Variants in FHIT observed in about 807,000 individuals in gnomAD.
The protein encoded by FHIT is bis(5'-adenosyl)-triphosphatase.
FHIT carries 19 observed loss-of-function variants against 17.9 expected under a neutral mutation model. The observed-to-expected ratio is 1.06, with a 90% CI of 0.74 to 1.56. FHIT has a LOEUF of 1.56. Among genes scored for constraint, FHIT ranks in the 40% most tolerant of loss-of-function variants. The pLI is 0.00. For synonymous variants in FHIT, 81 were observed against 69.7 expected (o/e 1.16, Z -0.81); for missense variants, 248 against 189.2 (o/e 1.31, Z -1.82).
intron 8 of FHIT, among the ~76,000 whole-genome samples, chr3:59,839,831 T>C (rs1209788807): frequency 1.3e-5 from 2 of 152,208 alleles, no homozygotes; most frequent in African/African-American, 4.8e-5. Context: ...GTCCTCTCCT[T>C]GTGCAAAACG....
chr3:60,090,351 G>T (rs1317239016), intron 5 of FHIT, among the ~76,000 whole-genome samples: 1 of 152,134 alleles, frequency 6.6e-6, no homozygotes, highest in African/African-American at 2.4e-5. Flanking sequence ...TCTACAGCTT[G>T]GGAATACTAA....
At chr3:59,932,246 G>T (rs1422750391) in intron 7 of FHIT, among the ~76,000 whole-genome samples, 2 of 151,778 alleles carry the variant, frequency 1.3e-5, no homozygotes, top group Non-Finnish European at 2.9e-5. Flanking sequence ...GATAGGCACT[G>T]GATAAACCCA....
chr3:60,835,006 C>A (rs1195399881), intron 3 of FHIT, among the ~76,000 whole-genome samples: 3 of 151,728 alleles, frequency 2.0e-5, no homozygotes, highest in Admixed American at 6.6e-5. Flanking sequence ...AATCTAAGAA[C>A]TCTTTCCCTA....
chr3:60,413,468 T>C (rs866902140), intron 5 of FHIT, among the ~76,000 whole-genome samples: 1 of 152,310 alleles, frequency 6.6e-6, no homozygotes, highest in South Asian at 2.1e-4. Flanking sequence ...AAGGTCTTAC[T>C]TAAGAAGTAC....
rs183635325 is a variant in FHIT at position 60,277,298 on chromosome 3, C to T, written c.103+259562G>A. ...TAGCAGACAGTGAGGGTATGGAGTCCTCCGTAAGGTTTTCCTTTGAATGAA... is the reference window on the plus strand; with the variant it reads ...TAGCAGACAGTGAGGGTATGGAGTCTTCCGTAAGGTTTTCCTTTGAATGAA... On this transcript the variant is annotated intron_variant, in intron 5 of 9. Transcript: ENST00000492590. 2.0e-5 allele frequency among the ~76,000 whole-genome samples: 3 copies of T among 152,132 alleles called. No homozygotes were observed. The East Asian group carries it at 5.8e-4, about 30-fold the overall frequency.
At chr3:60,458,161 T>C (rs1470867722) in intron 5 of FHIT, among the ~76,000 whole-genome samples, 2 of 152,128 alleles carry the variant, frequency 1.3e-5, no homozygotes, top group Non-Finnish European at 2.9e-5. Flanking sequence ...CTACTCACAC[T>C]AGCAAAGACT....
At chr3:60,773,127 A>C (rs1700102191) in intron 4 of FHIT, among the ~76,000 whole-genome samples, 1 of 152,194 alleles carries the variant, frequency 6.6e-6, no homozygotes, top group Non-Finnish European at 1.5e-5. Flanking sequence ...GCAGGCAGGA[A>C]GAACCCACTG....
At chr3:60,430,658 T>C (rs1050810141) in intron 5 of FHIT, among the ~76,000 whole-genome samples, 3 of 152,096 alleles carry the variant, frequency 2.0e-5, no homozygotes, top group Non-Finnish European at 2.9e-5. Flanking sequence ...TCATCTGGTA[T>C]TTTTTTATGT....
intron 5 of FHIT, among the ~76,000 whole-genome samples, chr3:60,052,256 A>G (rs1227631918): frequency 6.6e-6 from 1 of 152,186 alleles, no homozygotes; most frequent in Non-Finnish European, 1.5e-5. Context: ...AGCAGGAATC[A>G]GAGCAGCAAT....
chr3:60,171,745 G>A (rs1238081124), intron 5 of FHIT, among the ~76,000 whole-genome samples: 1 of 151,994 alleles, frequency 6.6e-6, no homozygotes, highest in Non-Finnish European at 1.5e-5. Flanking sequence ...CCTGTATACA[G>A]CCCAGGCTGG....
At chr3:59,900,671 T>G (rs1704285516) in intron 8 of FHIT, among the ~76,000 whole-genome samples, 1 of 152,180 alleles carries the variant, frequency 6.6e-6, no homozygotes, top group African/African-American at 2.4e-5. Context: ...TGGAGTGCAG[T>G]GGTGCGATCT....
intron 5 of FHIT, among the ~76,000 whole-genome samples, chr3:60,328,631 C>T (rs1049382437): frequency 6.6e-6 from 1 of 152,134 alleles, no homozygotes; most frequent in African/African-American, 2.4e-5. Flanking sequence ...TTGGGGGGGA[C>T]ACAGCCAAAC....
At chr3:60,919,151 G>C (rs1178406786) in intron 3 of FHIT, among the ~76,000 whole-genome samples, 4 of 152,262 alleles carry the variant, frequency 2.6e-5, no homozygotes, top group Middle Eastern at 3.4e-3. Context: ...GGGGCCTCAT[G>C]TCAGGCTAAG....
At chr3:60,238,976 A>C (rs1704964506) in intron 5 of FHIT, among the ~76,000 whole-genome samples, 1 of 152,204 alleles carries the variant, frequency 6.6e-6, no homozygotes, top group African/African-American at 2.4e-5. Flanking sequence ...GGAGTTCCAT[A>C]GATAATTGAA....
At chr3:59,972,556 C>T (rs1708233586) in intron 7 of FHIT, among the ~76,000 whole-genome samples, 1 of 152,098 alleles carries the variant, frequency 6.6e-6, no homozygotes, top group Non-Finnish European at 1.5e-5. Context: ...ACCTGTCTCA[C>T]ACGGGGCCAG....
At chr3:60,888,031 C>G (rs1553759706) in intron 3 of FHIT, among the ~76,000 whole-genome samples, 1 of 152,078 alleles carries the variant, frequency 6.6e-6, no homozygotes, top group Non-Finnish European at 1.5e-5. Context: ...AATGATATTT[C>G]CAAAGAAACA....
At chr3:60,751,472 G>A (rs782686518) in intron 4 of FHIT, among the ~76,000 whole-genome samples, 21 of 152,262 alleles carry the variant, frequency 1.4e-4, no homozygotes, top group Admixed American at 4.6e-4. Flanking sequence ...GCAAAATATG[G>A]GCAAAGGATA....
At chr3:60,764,666 A>C (rs141854432) in intron 4 of FHIT, among the ~76,000 whole-genome samples, 61 of 152,252 alleles carry the variant, frequency 4.0e-4, no homozygotes, top group African/African-American at 1.4e-3. Flanking sequence ...TCTGTAAGAT[A>C]TTTATAAGAA....
intron 8 of FHIT, among the ~76,000 whole-genome samples, chr3:59,917,575 A>G (rs1248166813): frequency 1.3e-5 from 2 of 152,224 alleles, no homozygotes; most frequent in Non-Finnish European, 2.9e-5. Context: ...AAGGCTTGGC[A>G]TAATTCATGA....
Sources: gnomAD v4.1 joint callset for allele counts (sites outside exome capture counted in the v4.1 genomes callset) on GRCh38, gnomAD v4.1.1 for gene constraint, MANE v1.5 for transcripts, NCBI Gene and HGNC (gene_info 2026-07-23, HGNC 2026-07-21) for gene names.